Variants in SLC22A25 observed in about 807,000 individuals in gnomAD.
The protein encoded by SLC22A25 is solute carrier family 22 member 25.
A neutral mutation model predicts 45.9 loss-of-function variants in SLC22A25; 44 were observed. The observed-to-expected ratio is 0.96, with a 90% CI of 0.75 to 1.23. The LOEUF (loss-of-function observed/expected upper bound fraction) is 1.23, where lower values mean the gene tolerates loss of function less well. SLC22A25 is among the 50% of genes most tolerant of loss of function. The pLI is 0.00. For synonymous variants in SLC22A25, 283 were observed against 238.6 expected (o/e 1.19, Z -1.72); for missense variants, 800 against 666.4 (o/e 1.20, Z -2.21).
At chr11:63,183,630 C>T in intron 8 of SLC22A25, 64 bp downstream of exon 8, 1 of 1,602,262 alleles carries the variant, frequency 6.2e-7, no homozygotes, top group Non-Finnish European at 8.5e-7. Flanking sequence ...TTATGAACAC[C>T]AACAAGTATA....
At chr11:63,166,636 C>G in intron 9 of SLC22A25, 1 of 1,008,948 alleles carries the variant, frequency 9.9e-7, no homozygotes, top group Non-Finnish European at 1.2e-6. Context: ...TGATGTCAGT[C>G]AAACTCACAG....
chr11:63,161,654 C>T lies in SLC22A25; in HGVS notation c.*2170G>A, dbSNP rs569794585. On this transcript the variant is annotated 3_prime_UTR_variant, in exon 12 of 12. Coordinates refer to ENST00000306494, the MANE Select transcript of SLC22A25 (RefSeq NM_199352.6). The stretch of plus-strand genomic sequence containing the variant: ...CTGCTGCCATGTAAGACGTGCCTTT[C>T]GCCCTCCACCAGGATTGTGAGGCTT... 5.3e-4 allele frequency among the ~76,000 whole-genome samples: 80 copies of T among 152,312 alleles called. No individual in the cohort carries two copies. Among genetic ancestry groups the T allele is most frequent in the African/African-American group, 1.3e-3 (56 of 41,584 alleles).
At chr11:63,229,217 C>G (rs1299945641) in intron 4 of SLC22A25, 34 bp downstream of exon 4, 3 of 1,489,348 alleles carry the variant, frequency 2.0e-6, no homozygotes, top group African/African-American at 1.4e-5. Context: ...ACAGCCAGGT[C>G]ATGTACACAA....
chr11:63,199,964 C>T (rs1367102213), intron 7 of SLC22A25, among the ~76,000 whole-genome samples: 3 of 152,030 alleles, frequency 2.0e-5, no homozygotes, highest in Non-Finnish European at 4.4e-5. Context: ...CCGCTGTTCT[C>T]TGTGTCTCTG....
Position 63,163,757 on chromosome 11 carries a change from A to G in SLC22A25, c.*67T>C. The G allele has an allele frequency of 6.5e-7, 1 of 1,538,006 alleles. No homozygotes were observed. Among genetic ancestry groups the G allele is most frequent in the Non-Finnish European group, 8.7e-7 (1 of 1,145,758 alleles). On this transcript the variant is annotated 3_prime_UTR_variant, in exon 12 of 12. Coordinates refer to ENST00000306494, the MANE Select transcript of SLC22A25 (RefSeq NM_199352.6). ...GCAAAGGCACTGACTACATGGGAAT[A>G]GCCCAGATCTAAGCCTTTTTGGGGG... is the stretch of plus-strand genomic sequence containing the variant.
At position 63,163,542 on chromosome 11, in the gene SLC22A25, C is replaced by T. The variant is rs78121321; in HGVS notation, c.*282G>A. On this transcript the variant is annotated 3_prime_UTR_variant, in exon 12 of 12. Transcript: ENST00000306494. ...GGATGAGAAGATGGTGTTTGGATCC[C>T]TGCATGTTTGTAGAATACCTTCAAG... Among the ~76,000 whole-genome samples the T allele has an allele frequency of 0.017, 2,653 of 152,210 alleles. 92 individuals carry two copies. The highest frequency in any genetic ancestry group is 0.061 in the African/African-American group (2,518 of 41,520).
At chr11:63,190,557 TTGTC>T (rs1360749320) in intron 7 of SLC22A25, among the ~76,000 whole-genome samples, 2 of 152,200 alleles carry the variant, frequency 1.3e-5, no homozygotes, top group African/African-American at 4.8e-5. Flanking sequence ...GTCAAAGTCA[TTGTC>T]TGTCCAGCTT....
chr11:63,168,744 C>A (rs1016464728), intron 9 of SLC22A25, among the ~76,000 whole-genome samples: 3 of 152,124 alleles, frequency 2.0e-5, no homozygotes, highest in African/African-American at 7.2e-5. Context: ...AATCACATGT[C>A]AGGACATTAT....
rs567675062 is a variant in SLC22A25, at chr11:63,159,741, G to A, written c.*4083C>T. Among the ~76,000 whole-genome samples the A allele has an allele frequency of 7.7e-4, 118 of 152,310 alleles. 1 individual carries two copies. The Middle Eastern group carries it at 0.014, about 18-fold the overall frequency. The stretch of plus-strand genomic sequence containing the variant: ...AGGGCTCAGAAGAAGACAGGAAAAT[G>A]TTGGAAAGTTTGGAACTTCCTAGAG... On this transcript the variant is annotated 3_prime_UTR_variant, in exon 12 of 12. Coordinates refer to ENST00000306494, the MANE Select transcript of SLC22A25 (RefSeq NM_199352.6).
At chr11:63,215,288 T>C (rs562414712) in intron 7 of SLC22A25, among the ~76,000 whole-genome samples, 1 of 152,150 alleles carries the variant, frequency 6.6e-6, no homozygotes, top group Non-Finnish European at 1.5e-5. Context: ...TGCAGGGACA[T>C]GGATTAAGCT....
rs966914550 is a variant in SLC22A25 at position 63,238,943 on chromosome 11, C to T, written c.-803G>A. 2.6e-5 allele frequency: 5 copies of T among 192,974 alleles called. No homozygotes were observed. The highest frequency in any genetic ancestry group is 1.1e-4 in the South Asian group (1 of 8,916). 12.0% of individuals were successfully genotyped at this position (192,974 alleles called of 1,614,324 possible). A position where few individuals can be genotyped will look rare whatever the true frequency, so the allele number is the denominator to read the frequency against. ...AGGATCACAGTTTCTTCGTCCAAGA[C>T]GATGACATTGTCTATGATGTGCACC... On this transcript the variant is annotated 5_prime_UTR_variant, in exon 2 of 12. Coordinates refer to ENST00000306494, the MANE Select transcript of SLC22A25 (RefSeq NM_199352.6).
chr11:63,243,011 C>CAAAACA (rs1565134735), intron 1 of SLC22A25: 1 of 155,758 alleles, frequency 6.4e-6, no homozygotes, highest in African/African-American at 2.4e-5. Context: ...CTTCCCCCTC[C>CAAAACA]AAAACAAAAA....
chr11:63,218,522 A>C (rs2089777306), intron 5 of SLC22A25, among the ~76,000 whole-genome samples: 1 of 152,232 alleles, frequency 6.6e-6, no homozygotes, highest in African/African-American at 2.4e-5. Context: ...AATTAAAAAA[A>C]GAGAAATATC....
chr11:63,208,884 A>G (rs1590869545), intron 7 of SLC22A25, among the ~76,000 whole-genome samples: 1 of 152,156 alleles, frequency 6.6e-6, no homozygotes, highest in South Asian at 2.1e-4. Flanking sequence ...CAAAACTCCC[A>G]TAACAGGACC....
chr11:63,240,582 A>G (rs1343327459), intron 1 of SLC22A25, among the ~76,000 whole-genome samples: 1 of 152,198 alleles, frequency 6.6e-6, no homozygotes, highest in Non-Finnish European at 1.5e-5. Context: ...CTTAAAATAT[A>G]AACATGTTGC....
chr11:63,197,300 CA>C (rs1341485797), intron 7 of SLC22A25, among the ~76,000 whole-genome samples: 1 of 152,164 alleles, frequency 6.6e-6, no homozygotes, highest in Non-Finnish European at 1.5e-5. Flanking sequence ...ATTGCCAAGA[CA>C]ATCCTAAGCC....
At chr11:63,224,634 C>T (rs1345058475) in intron 5 of SLC22A25, among the ~76,000 whole-genome samples, 2 of 152,060 alleles carry the variant, frequency 1.3e-5, no homozygotes, top group East Asian at 3.8e-4. Flanking sequence ...ATGAGGCCTA[C>T]AATTAATATC....
chr11:63,172,158 A>G (rs2087911028), intron 9 of SLC22A25, among the ~76,000 whole-genome samples: 1 of 152,202 alleles, frequency 6.6e-6, no homozygotes, highest in African/African-American at 2.4e-5. Flanking sequence ...GATGGATAAA[A>G]GACTTAAATA....
rs184202262 is a variant in SLC22A25 at position 63,240,270 on chromosome 11, G to A, written c.-995-1135C>T. On this transcript the variant is annotated intron_variant, in intron 1 of 11. Coordinates refer to ENST00000306494, the MANE Select transcript of SLC22A25 (RefSeq NM_199352.6). ...CTTGCAGTACTGGAAGTTGCTCTGG[G>A]TGAGTCAGTGTGTGAGTGGTGAGTG... Among the ~76,000 whole-genome samples the A allele has an allele frequency of 4.6e-5, 7 of 152,328 alleles. No homozygotes were observed. The East Asian group carries it at 1.3e-3, about 29-fold the overall frequency.
Sources: allele counts gnomAD v4.1 joint callset (sites outside exome capture counted in the v4.1 genomes callset), GRCh38; gene constraint gnomAD v4.1.1; transcripts MANE v1.5; gene names NCBI Gene and HGNC (gene_info 2026-07-23, HGNC 2026-07-21).